The following IDH3A variants were observed in gnomAD, a reference collection of about 807,000 sequenced individuals.
IDH3A encodes isocitrate dehydrogenase [NAD] subunit alpha, mitochondrial.
IDH3A carries 23 observed loss-of-function variants against 43.3 expected under a neutral mutation model. The observed-to-expected ratio is 0.53, with a 90% confidence interval of 0.38 to 0.75. The LOEUF (loss-of-function observed/expected upper bound fraction) is 0.75, where lower values mean the gene tolerates loss of function less well. Ranked by LOEUF, IDH3A falls within the 30% of genes least tolerant of loss-of-function variation. The pLI is 0.00. For synonymous variants in IDH3A, 154 were observed against 163.5 expected (o/e 0.94, Z 0.44); for missense variants, 329 against 474.4 (o/e 0.69, Z 2.85).
intron 1 of IDH3A, among the ~76,000 whole-genome samples, chr15:78,152,333 C>T (rs1446484210): frequency 6.8e-6 from 1 of 146,674 alleles, no homozygotes; most frequent in Non-Finnish European, 1.5e-5. Flanking sequence ...GCTGGGATTA[C>T]AAGCGTGAGG....
intron 1 of IDH3A, 46 bp downstream of exon 1, chr15:78,149,476 G>A: frequency 6.7e-7 from 1 of 1,492,246 alleles, no homozygotes; most frequent in South Asian, 1.2e-5. Context: ...AGGCCGCGAG[G>A]GCTGGCAGGA....
chr15:78,155,578 A>G (rs2074616990), intron 2 of IDH3A: 1 of 212,302 alleles, frequency 4.7e-6, no homozygotes, highest in Admixed American at 5.7e-5. Flanking sequence ...CATTTTGGTG[A>G]GACAGCTTTT....
At chr15:78,159,576 C>G (rs1242685474) in intron 3 of IDH3A, among the ~76,000 whole-genome samples, 1 of 152,166 alleles carries the variant, frequency 6.6e-6, no homozygotes, top group Non-Finnish European at 1.5e-5. Context: ...CAGGTGGTAG[C>G]TGGGAGTGAT....
intron 1 of IDH3A, among the ~76,000 whole-genome samples, chr15:78,153,524 CCA>C (rs2074597159): frequency 1.3e-5 from 2 of 152,082 alleles, no homozygotes; most frequent in East Asian, 3.9e-4. Flanking sequence ...TGGATTTGGC[CCA>C]GTCTTATTTT....
At chr15:78,151,122 T>C (rs1392724461) in intron 1 of IDH3A, among the ~76,000 whole-genome samples, 1 of 152,234 alleles carries the variant, frequency 6.6e-6, no homozygotes, top group Non-Finnish European at 1.5e-5. Context: ...TTCTCTGACA[T>C]GCACTCCCTG....
At chr15:78,149,607 C>G (rs1325220024) in intron 1 of IDH3A, among the ~76,000 whole-genome samples, 177 bp downstream of exon 1, 1 of 152,136 alleles carries the variant, frequency 6.6e-6, no homozygotes, top group African/African-American at 2.4e-5. Context: ...GTGGCCGGCT[C>G]GCAGTGTATG....
chr15:78,155,764 A>C (rs1353731610), intron 2 of IDH3A: 1 of 153,048 alleles, frequency 6.5e-6, no homozygotes, highest in Non-Finnish European at 1.5e-5. Flanking sequence ...AGACTATCAC[A>C]GTAGTAGATC....
Position 78,161,518 on chromosome 15 carries a change from AG to A in IDH3A, c.290-62del. 7.5e-7 allele frequency: 1 copy of A among 1,334,330 alleles called. No homozygotes were observed. Among genetic ancestry groups the A allele is most frequent in the Non-Finnish European group, 1.1e-6 (1 of 948,458 alleles). 82.7% of individuals were successfully genotyped at this position (1,334,330 alleles called of 1,614,324 possible). A position where few individuals can be genotyped will look rare whatever the true frequency, so the allele number is the denominator to read the frequency against. On this transcript the variant is annotated intron_variant, in intron 4 of 10. Transcript: ENST00000299518. This position sits in a 1 kb window ranked among gnomAD's most constrained non-coding sequence, Gnocchi z 4.8. ...TTTCACAAGGTAGCCGAGGTGGGTTAGTAGGTCACACGTGAGACCAGAATTC... is the reference window on the plus strand; with the variant it reads ...TTTCACAAGGTAGCCGAGGTGGGTTATAGGTCACACGTGAGACCAGAATTC...
intron 1 of IDH3A, 58 bp from the exon 2 acceptor site, chr15:78,155,155 T>C: frequency 7.8e-7 from 1 of 1,282,600 alleles, no homozygotes; most frequent in Non-Finnish European, 1.1e-6. Flanking sequence ...TCCTCGCTCT[T>C]GTTTACTGTA....
Position 78,161,810 on chromosome 15 carries a change from C to T in IDH3A, c.477+42C>T. On this transcript the variant is annotated intron_variant, in intron 5 of 10. Coordinates refer to ENST00000299518, the MANE Select transcript of IDH3A (RefSeq NM_005530.3). The surrounding 1 kb of genome is among the most constrained non-coding windows in gnomAD (Gnocchi z 4.8). ...TTCTTTTTTATTCCTGCTTGGACTG[C>T]TTTCTGTGCATCTGGGACCCCAGAG... 1 of 1,543,312 alleles carries T rather than the reference C, an allele frequency of 6.5e-7. No homozygotes were observed. The highest frequency in any genetic ancestry group is 8.9e-7 in the Non-Finnish European group (1 of 1,118,438).
At chr15:78,153,866 A>G (rs1567068331) in intron 1 of IDH3A, among the ~76,000 whole-genome samples, 1 of 152,122 alleles carries the variant, frequency 6.6e-6, no homozygotes, top group East Asian at 1.9e-4. Context: ...TAAAAATACA[A>G]CAAGATTAGC....
At chr15:78,152,574 G>A (rs899562400) in intron 1 of IDH3A, among the ~76,000 whole-genome samples, 6 of 150,052 alleles carry the variant, frequency 4.0e-5, no homozygotes, top group Admixed American at 3.3e-4. Flanking sequence ...TAGTCAGGCT[G>A]GTCTTGAACT....
chr15:78,162,197 C>G, intron 5 of IDH3A, 37 bp from the exon 6 acceptor site: 2 of 1,612,838 alleles, frequency 1.2e-6, no homozygotes, highest in Non-Finnish European at 1.7e-6. Flanking sequence ...GTTGCTGTCA[C>G]ACTCTTTCCA....
intron 3 of IDH3A, 104 bp downstream of exon 3, chr15:78,157,735 AATTTAGTC>A: frequency 1.4e-6 from 1 of 722,506 alleles, no homozygotes; most frequent in Non-Finnish European, 2.4e-6. Flanking sequence ...ATTTCTATGA[AATTTAGTC>A]AGGTCTGTTG....
intron 1 of IDH3A, chr15:78,154,539 C>T (rs1432341030): frequency 6.6e-6 from 1 of 152,238 alleles, no homozygotes; most frequent in African/African-American, 2.4e-5. Flanking sequence ...TAGGCAAATG[C>T]TTTTCTTTGG....
intron 2 of IDH3A, chr15:78,157,019 G>A: frequency 1.5e-6 from 2 of 1,314,774 alleles, no homozygotes; most frequent in Non-Finnish European, 2.0e-6. Flanking sequence ...TTTTCCCTGA[G>A]TACCAAAACA....
chr15:78,157,367 TCTC>T (rs762379213), intron 2 of IDH3A, 178 bp from the exon 3 acceptor site: 1 of 623,998 alleles, frequency 1.6e-6, no homozygotes, highest in East Asian at 2.9e-5. Context: ...TTGCAGAGTC[TCTC>T]CTCTGTTGAT....
At position 78,161,468 on chromosome 15, in the gene IDH3A, G is replaced by T; in HGVS notation, c.290-113G>T. 1.3e-6 allele frequency: 1 copy of T among 746,216 alleles called. No homozygotes were observed. Among genetic ancestry groups the T allele is most frequent in the African/African-American group, 1.7e-5 (1 of 57,404 alleles). 46.2% of individuals were successfully genotyped at this position (746,216 alleles called of 1,614,324 possible). A position where few individuals can be genotyped will look rare whatever the true frequency, so the allele number is the denominator to read the frequency against. On this transcript the variant is annotated intron_variant, in intron 4 of 10. Coordinates refer to ENST00000299518, the MANE Select transcript of IDH3A (RefSeq NM_005530.3). This position sits in a 1 kb window ranked among gnomAD's most constrained non-coding sequence, Gnocchi z 4.8. Reference sequence around the variant, plus strand: ...TCCTCCTTCATTTGAATCTCAGGTAGAGAGTGAACTAGAGGCAGAACACAT... The same window carrying T: ...TCCTCCTTCATTTGAATCTCAGGTATAGAGTGAACTAGAGGCAGAACACAT...
chr15:78,167,546 T>A (rs140025043), intron 10 of IDH3A: 1 of 152,344 alleles, frequency 6.6e-6, no homozygotes, highest in African/African-American at 2.4e-5. Flanking sequence ...CGTATTTAGG[T>A]ATACAGTTCA....
Sources: gnomAD v4.1 joint callset for allele counts (sites outside exome capture counted in the v4.1 genomes callset) on GRCh38, gnomAD v4.1.1 for gene constraint, Gnocchi (gnomAD v3.1) non-coding constraint, MANE v1.5 for transcripts, NCBI Gene and HGNC (gene_info 2026-07-23, HGNC 2026-07-21) for gene names.